Variants in ACACA observed in about 807,000 individuals in gnomAD.
The protein encoded by ACACA is acetyl-CoA carboxylase 1.
In ACACA, 103 loss-of-function variants were observed where a neutral mutation model predicts 296.1. That is an observed-to-expected ratio of 0.35 (90% confidence interval 0.30 to 0.41). The LOEUF (loss-of-function observed/expected upper bound fraction) is 0.41, where lower values mean the gene tolerates loss of function less well. Ranked by LOEUF, ACACA falls within the 10% of genes least tolerant of loss-of-function variation. ACACA has a pLI of 1.00. For synonymous variants in ACACA, 953 were observed against 1,038.6 expected (o/e 0.92, Z 1.58); for missense variants, 1,554 against 2,989.7 (o/e 0.52, Z 11.20).
At chr17:37,336,593 G>C (rs2048130260) in intron 2 of ACACA, among the ~76,000 whole-genome samples, 1 of 152,146 alleles carries the variant, frequency 6.6e-6, no homozygotes, top group Non-Finnish European at 1.5e-5. Context: ...TATAAACCCA[G>C]GCATTCGAGC....
At chr17:37,253,451 GA>G (rs2081086663) in intron 14 of ACACA, among the ~76,000 whole-genome samples, 1 of 152,188 alleles carries the variant, frequency 6.6e-6, no homozygotes, top group South Asian at 2.1e-4. Flanking sequence ...GGAATCTTGA[GA>G]GGGAAGGGAG....
At chr17:37,264,369 AT>A (rs1056244470) in intron 10 of ACACA, among the ~76,000 whole-genome samples, 6 of 152,016 alleles carry the variant, frequency 3.9e-5, no homozygotes, top group African/African-American at 1.4e-4. Flanking sequence ...AATGGTAACT[AT>A]TTTTTTTCTC....
chr17:37,242,173 A>T, intron 22 of ACACA, 120 bp from the exon 23 acceptor site: 1 of 785,210 alleles, frequency 1.3e-6, no homozygotes, highest in Non-Finnish European at 2.2e-6. Context: ...CCTATCTCAC[A>T]TGTTGGCAGC....
At chr17:37,114,790 G>A (rs2074161318) in intron 50 of ACACA, among the ~76,000 whole-genome samples, 1 of 152,154 alleles carries the variant, frequency 6.6e-6, no homozygotes, top group Admixed American at 6.5e-5. Context: ...CCAAATAACA[G>A]GTTCAACTGA....
chr17:37,308,610 C>A (rs2083989190), intron 3 of ACACA, among the ~76,000 whole-genome samples: 1 of 152,098 alleles, frequency 6.6e-6, no homozygotes, highest in Admixed American at 6.5e-5. Context: ...AATCCTAAAT[C>A]TACTACAGAA....
chr17:37,328,814 C>T (rs2047731743), intron 3 of ACACA: 1 of 398,408 alleles, frequency 2.5e-6, no homozygotes, highest in Non-Finnish European at 4.4e-6. Flanking sequence ...TGAATGCTGG[C>T]TGTACACAAC....
chr17:37,239,817 G>C (rs76818820), intron 24 of ACACA, among the ~76,000 whole-genome samples: 2,680 of 152,270 alleles, frequency 0.018, 69 homozygotes, highest in African/African-American at 0.06. Context: ...GGCATAGGCT[G>C]CTTTTAAAGG....
intron 2 of ACACA, among the ~76,000 whole-genome samples, chr17:37,331,614 G>T (rs1055725765): frequency 6.6e-6 from 1 of 151,860 alleles, no homozygotes; most frequent in African/African-American, 2.4e-5. Flanking sequence ...CACTATCTTG[G>T]CTAGGCTGGT....
chr17:37,127,022 A>C (rs17138999), intron 47 of ACACA, among the ~76,000 whole-genome samples: 2,694 of 152,318 alleles, frequency 0.018, 63 homozygotes, highest in South Asian at 0.1. Flanking sequence ...TTTGGGAGCG[A>C]GTGTTAGCTG....
intron 1 of ACACA, among the ~76,000 whole-genome samples, chr17:37,405,816 T>C (rs2051469921): frequency 6.7e-6 from 1 of 149,136 alleles, no homozygotes; most frequent in Non-Finnish European, 1.5e-5. Context: ...CCTGCCAAAG[T>C]GCTGGAATTA....
At chr17:37,304,320 CCA>C (rs2083765987) in intron 3 of ACACA, among the ~76,000 whole-genome samples, 1 of 152,052 alleles carries the variant, frequency 6.6e-6, no homozygotes, top group African/African-American at 2.4e-5. Flanking sequence ...GTAGCTGGGA[CCA>C]CAGACATATG....
At chr17:37,368,823 T>A (rs1686370475) in intron 1 of ACACA, 1 of 152,160 alleles carries the variant, frequency 6.6e-6, no homozygotes, top group Admixed American at 6.5e-5. Context: ...TTTGGCCCCT[T>A]TGGCAAGCAT....
intron 41 of ACACA, among the ~76,000 whole-genome samples, chr17:37,169,696 A>C (rs1396824715): frequency 2.0e-5 from 3 of 152,230 alleles, no homozygotes; most frequent in Non-Finnish European, 2.9e-5. Context: ...TGTGACATTC[A>C]TTGATTTCAC....
chr17:37,184,453 G>A (rs1202587724), intron 39 of ACACA, among the ~76,000 whole-genome samples: 1 of 152,184 alleles, frequency 6.6e-6, no homozygotes, highest in Non-Finnish European at 1.5e-5. Flanking sequence ...GGAAAGCCTT[G>A]TTTCCTTGGA....
intron 1 of ACACA, among the ~76,000 whole-genome samples, chr17:37,373,504 C>T (rs1430062122): frequency 1.3e-5 from 2 of 150,942 alleles, no homozygotes; most frequent in African/African-American, 4.8e-5. Flanking sequence ...CCTTGGCCTC[C>T]CAACGTGCTG....
intron 54 of ACACA, among the ~76,000 whole-genome samples, chr17:37,092,935 C>A (rs983263896): frequency 2.0e-5 from 3 of 151,826 alleles, no homozygotes; most frequent in African/African-American, 7.3e-5. Flanking sequence ...TTTTTTTTTC[C>A]AAGGGCTTTA....
intron 48 of ACACA, 143 bp from the exon 49 acceptor site, chr17:37,122,770 T>A: frequency 1.3e-6 from 1 of 741,956 alleles, no homozygotes; most frequent in Non-Finnish European, 2.4e-6. Context: ...TTCTATGAGT[T>A]AAATGTGAGA....
chr17:37,285,078 C>T (rs1478479432), intron 3 of ACACA, 108 bp from the exon 4 acceptor site: 2 of 1,258,080 alleles, frequency 1.6e-6, no homozygotes, highest in Non-Finnish European at 2.3e-6. Flanking sequence ...GTGAAGACTG[C>T]ATGCTGGCAG....
chr17:37,096,989 C>T lies in ACACA; in HGVS notation c.6891+7G>A, dbSNP rs761990660. On this transcript the variant is annotated splice_region_variant and intron_variant, in intron 54 of 55. Coordinates refer to ENST00000616317, the MANE Select transcript of ACACA (RefSeq NM_198834.3). The stretch of plus-strand genomic sequence containing the variant: ...CAAAAAGGCTTCTCTTTGAGTGTCC[C>T]ACCTACCTTCACTGTTCCTTCCACT... 6.2e-7 allele frequency: 1 copy of T among 1,614,082 alleles called. No individual in the cohort carries two copies. Among genetic ancestry groups the T allele is most frequent in the Non-Finnish European group, 8.5e-7 (1 of 1,180,034 alleles).
Sources: gnomAD v4.1 joint callset for allele counts (sites outside exome capture counted in the v4.1 genomes callset) on GRCh38, gnomAD v4.1.1 for gene constraint, MANE v1.5 for transcripts, NCBI Gene and HGNC (gene_info 2026-07-23, HGNC 2026-07-21) for gene names.